The following GMCL2 variants were observed in gnomAD, a reference collection of about 807,000 sequenced individuals.
GMCL2 encodes the protein germ cell-less 2, spermatogenesis associated.
Under a neutral mutation model 36.2 loss-of-function variants are expected in GMCL2, and 33 were observed. That is an observed-to-expected ratio of 0.91 (90% CI 0.69 to 1.22). GMCL2 has a LOEUF of 1.22. GMCL2 is among the 50% of genes most tolerant of loss of function. The pLI, the probability that GMCL2 is intolerant of heterozygous loss-of-function variation, is 0.00. For missense variants in GMCL2, 478 were observed against 514.5 expected, an observed-to-expected ratio of 0.93 and a Z score of 0.69; for synonymous variants, 172 against 184.3, an observed-to-expected ratio of 0.93 and a Z score of 0.54.
chr5:178,185,745 G>T lies in GMCL2; in HGVS notation c.1555C>A (p.Arg519Ser). ...CAGTTTTCTGGATTTTCTGGGTGACGATTATTTTCAATTCCTTTTTCTGGT... is the reference window on the plus strand; with the variant it reads ...CAGTTTTCTGGATTTTCTGGGTGACTATTATTTTCAATTCCTTTTTCTGGT... ...ISPEKGIENNRHPENPEN is the reference protein window; with the variant it reads ...ISPEKGIENNSHPENPEN Residue 519 changes from arginine to serine, a missense_variant, in exon 1 of 1, where the codon CGT becomes AGT. Coordinates refer to ENST00000463439, the MANE Select transcript of GMCL2 (RefSeq NM_001358008.2). 1.2e-6 allele frequency: 1 copy of T among 855,552 alleles called. No homozygotes were observed. Among genetic ancestry groups the T allele is most frequent in the South Asian group, 1.3e-5 (1 of 76,162 alleles). 53.0% of individuals were successfully genotyped at this position (855,552 alleles called of 1,614,324 possible).
At position 178,186,557 on chromosome 5, in the gene GMCL2, A is replaced by G. The variant is rs768190865; in HGVS notation, c.743T>C (p.Leu248Pro). The G allele has an allele frequency of 3.1e-6, 4 of 1,279,020 alleles. 1 individual carries two copies. The African/African-American group carries it at 5.8e-5, about 19-fold the overall frequency. The allele number at this position is 1,279,020 out of a possible 1,614,324, so 79.2% of individuals were successfully genotyped here. ...NNLMTHQNVK[L>P]FKELGINVMK... ...GACATTTATACCGAGTTCTTTAAAA[A>G]GTTTAACATTCTGGTGAGTCATCAA... Residue 248 changes from leucine (L) to proline (P), a missense_variant, in exon 1 of 1, where the codon CTT (leucine) becomes CCT (proline). Leu to Pro is a moderately conservative substitution (Grantham distance 98, BLOSUM62 -3). Transcript: ENST00000463439.
chr5:178,185,588 C>G lies in GMCL2; in HGVS notation c.*131G>C. On this transcript the variant is annotated 3_prime_UTR_variant, in exon 1 of 1. Coordinates refer to ENST00000463439, the MANE Select transcript of GMCL2 (RefSeq NM_001358008.2). ...ATGCAATGAGGATAAGAATAGTCTT[C>G]TGTATTGTCCGTACAGTTCATAAGG... 1 of 471,810 alleles carries G rather than the reference C, an allele frequency of 2.1e-6. No homozygotes were observed. The highest frequency in any genetic ancestry group is 3.9e-6 in the Non-Finnish European group (1 of 257,048). 29.2% of individuals were successfully genotyped at this position (471,810 alleles called of 1,614,324 possible).
In GMCL2 at chr5:178,186,364, A is replaced by G. The variant is rs2113507499; in HGVS notation, c.936T>C (p.Asp312=). The G allele has an allele frequency of 6.4e-7, 1 of 1,572,858 alleles. No homozygotes were observed. Among genetic ancestry groups the G allele is most frequent in the South Asian group, 1.1e-5 (1 of 90,200 alleles). ...TDVWFSKQRK[D]FEGMAFLETE... Reference sequence around the variant, plus strand: ...TTTCAAGAAAGGCCATACCTTCAAAATCTTTTCTCTGTTTAGAAAACCAGA... The same window carrying G: ...TTTCAAGAAAGGCCATACCTTCAAAGTCTTTTCTCTGTTTAGAAAACCAGA... The change falls in exon 1 of 1, where the codon GAT becomes GAC. Residue 312 remains aspartate (D), a synonymous_variant. Coordinates refer to ENST00000463439, the MANE Select transcript of GMCL2 (RefSeq NM_001358008.2).
Position 178,186,177 on chromosome 5 carries a change from C to T in GMCL2, c.1123G>A (p.Glu375Lys). The change falls in exon 1 of 1, where the codon GAA becomes AAA. Residue 375 changes from glutamate (E) to lysine (K), a missense_variant. Physicochemically the swap from Glu to Lys is moderately conservative, Grantham distance 56. Coordinates refer to ENST00000463439, the MANE Select transcript of GMCL2 (RefSeq NM_001358008.2). ...TGAGGCCCTACCTCACGGTCTTGTT[C>T]TGCCCGCAGCATAGCAAACCACTGC... ...KQQWFAMLRA[E>K]QDREVGPQEI... 1 of 828,990 alleles carries T rather than the reference C, an allele frequency of 1.2e-6. No homozygotes were observed. Among genetic ancestry groups the T allele is most frequent in the Non-Finnish European group, 2.2e-6 (1 of 462,692 alleles). 51.4% of individuals were successfully genotyped at this position (828,990 alleles called of 1,614,324 possible).
Position 178,187,291 on chromosome 5 carries a change from C to A in GMCL2, c.9G>T (p.Ser3=), listed in dbSNP as rs1440578050. The part of the protein sequence containing the change: MG[S]SSSRVLGQPR... ...GCTGGCCCAGCACCCGGCTGCTCGA[C>A]GATCCCATGGGTCACGGCTCCCCAG... is the stretch of plus-strand genomic sequence containing the variant. The change falls in exon 1 of 1, where the codon TCG becomes TCT. Residue 3 remains serine (S), a synonymous_variant. Coordinates refer to ENST00000463439, the MANE Select transcript of GMCL2 (RefSeq NM_001358008.2). The A allele has an allele frequency of 1.1e-6, 1 of 895,538 alleles. No individual in the cohort carries two copies. The highest frequency in any genetic ancestry group is 2.2e-5 in the Admixed American group (1 of 45,392). The allele number at this position is 895,538 out of a possible 1,614,324, so 55.5% of individuals were successfully genotyped here.
rs1457480469 is a variant in GMCL2 at position 178,187,241 on chromosome 5, T to A, written c.59A>T (p.Glu20Val). ...CGAGCCCCTGGCCCTGGCACCCTGTTCCTGCTGGGCAAGGGCTCGCCTCGG... is the reference window on the plus strand; with the variant it reads ...CGAGCCCCTGGCCCTGGCACCCTGTACCTGCTGGGCAAGGGCTCGCCTCGG... Reference protein sequence around the residue: ...GQPRRALAQQEQGARARGSAR... With the variant: ...GQPRRALAQQVQGARARGSAR... The change falls in exon 1 of 1, where the codon GAA (glutamate) becomes GTA (valine). Residue 20 changes from glutamate to valine, a missense_variant. Coordinates refer to ENST00000463439, the MANE Select transcript of GMCL2 (RefSeq NM_001358008.2). The A allele has an allele frequency of 9.5e-7, 1 of 1,050,272 alleles. No homozygotes were observed. The highest frequency in any genetic ancestry group is 1.4e-6 in the Non-Finnish European group (1 of 695,378). The allele number at this position is 1,050,272 out of a possible 1,614,324, so 65.1% of individuals were successfully genotyped here.
chr5:178,186,302 T>C lies in GMCL2; in HGVS notation c.998A>G (p.His333Arg), dbSNP rs770633834. ...ACTGATAATATATTGTAACCTTAAA[T>C]GTCTGAATACTGACACAAATGGTTT... ...PGKPFVSVFR[H>R]LRLQYIISDL... The change falls in exon 1 of 1, where the codon CAT (histidine) becomes CGT (arginine). Residue 333 changes from histidine to arginine, a missense_variant. By Grantham distance (29) the His-to-Arg change is conservative. Transcript: ENST00000463439. 164 of 1,252,908 alleles carry C rather than the reference T, an allele frequency of 1.3e-4. No individual in the cohort carries two copies. In the East Asian group the frequency reaches 3.7e-3, roughly 28 times the overall value. 77.6% of individuals were successfully genotyped at this position (1,252,908 alleles called of 1,614,324 possible).
Position 178,186,167 on chromosome 5 carries a change from C to T in GMCL2, c.1133G>A (p.Arg378His), listed in dbSNP as rs13184406. The change falls in exon 1 of 1, where the codon CGT (arginine) becomes CAT (histidine). Residue 378 changes from arginine (R) to histidine (H), a missense_variant. Arg to His is a conservative substitution (Grantham distance 29). This residue lies in a region of GMCL2 where 135 missense variants were observed against 119.0 expected (regional missense o/e 1.13). Transcript: ENST00000463439. ...ATTGATTTCTTGAGGCCCTACCTCA[C>T]GGTCTTGTTCTGCCCGCAGCATAGC... ...WFAMLRAEQD[R>H]EVGPQEINKE... 529,523 of 826,702 alleles carry T rather than the reference C, an allele frequency of 0.64. 176,627 individuals carry two copies. The highest frequency in any genetic ancestry group is 0.71 in the Non-Finnish European group (325,449 of 461,038). 51.2% of individuals were successfully genotyped at this position (826,702 alleles called of 1,614,324 possible).
Position 178,186,134 on chromosome 5 carries a change from T to C in GMCL2, c.1166A>G (p.Asp389Gly). 1 of 816,598 alleles carries C rather than the reference T, an allele frequency of 1.2e-6. No individual in the cohort carries two copies. The highest frequency in any genetic ancestry group is 2.2e-6 in the Non-Finnish European group (1 of 452,144). The allele number at this position is 816,598 out of a possible 1,614,324, so 50.6% of individuals were successfully genotyped here. A position where few individuals can be genotyped will look rare whatever the true frequency, so the allele number is the denominator to read the frequency against. ...ACACCTCATGCTATTTCCCTCTAGG[T>C]CTTCTTTATTGATTTCTTGAGGCCC... ...EVGPQEINKE[D>G]LEGNSMRCGR... The change falls in exon 1 of 1, where the codon GAC (aspartate) becomes GGC (glycine). Residue 389 changes from aspartate (D) to glycine (G), a missense_variant. Coordinates refer to ENST00000463439, the MANE Select transcript of GMCL2 (RefSeq NM_001358008.2).
rs546937385 is a variant in GMCL2 at position 178,185,051 on chromosome 5, A to G, written c.*668T>C. Reference sequence around the variant, plus strand: ...TTTTCACGCATTCAAGATCATTTGAAGGTGTGAAGCTAACTTTCATTGTTC... The same window carrying G: ...TTTTCACGCATTCAAGATCATTTGAGGGTGTGAAGCTAACTTTCATTGTTC... On this transcript the variant is annotated 3_prime_UTR_variant, in exon 1 of 1. Transcript: ENST00000463439. 5.9e-5 allele frequency among the ~76,000 whole-genome samples: 9 copies of G among 152,342 alleles called. No individual in the cohort carries two copies. Among genetic ancestry groups the G allele is most frequent in the Non-Finnish European group, 1.0e-4 (7 of 68,026 alleles).
rs2961665 is a variant in GMCL2 at position 178,187,093 on chromosome 5, C to G, written c.207G>C (p.Glu69Asp). ...GCTTGTCCCCCTCCTCCTCATGCTC[C>G]TCCCTGTGCGAGTCCGGGTCACAGT... ...CRYCDPDSHR[E>D]EHEEEGDKQQ... Residue 69 changes from glutamate (E) to aspartate (D), a missense_variant, in exon 1 of 1, where the codon GAG becomes GAC. Around this residue, in one of 5 missense-constraint regions of GMCL2, gnomAD observed 127 missense variants for 86.4 expected, o/e 1.47. Coordinates refer to ENST00000463439, the MANE Select transcript of GMCL2 (RefSeq NM_001358008.2). The G allele has an allele frequency of 0.3, 314,333 of 1,046,758 alleles. 49,368 individuals carry two copies. The highest frequency in any genetic ancestry group is 0.36 in the African/African-American group (22,977 of 64,696). 64.8% of individuals were successfully genotyped at this position (1,046,758 alleles called of 1,614,324 possible). A position where few individuals can be genotyped will look rare whatever the true frequency, so the allele number is the denominator to read the frequency against.
chr5:178,187,216 C>T lies in GMCL2; in HGVS notation c.84G>A (p.Ser28=), dbSNP rs531220149. The change falls in exon 1 of 1, where the codon TCG becomes TCA. Residue 28 remains serine (S), a synonymous_variant. Transcript: ENST00000463439. ...CGTCTCCAGTGTCCGGCCTCCGGGCCGAGCCCCTGGCCCTGGCACCCTGTT... is the reference window on the plus strand; with the variant it reads ...CGTCTCCAGTGTCCGGCCTCCGGGCTGAGCCCCTGGCCCTGGCACCCTGTT... The part of the protein sequence containing the change: ...QQEQGARARG[S]ARRPDTGDDA... The T allele has an allele frequency of 2.6e-5, 31 of 1,174,096 alleles. No individual in the cohort carries two copies. The East Asian group carries it at 5.6e-4, about 21-fold the overall frequency. The allele number at this position is 1,174,096 out of a possible 1,614,324, so 72.7% of individuals were successfully genotyped here.
At position 178,185,035 on chromosome 5, in the gene GMCL2, A is replaced by C. The variant is rs1163841090; in HGVS notation, c.*684T>G. ...CTGGAATCAAACTGATTTTTCACGC[A>C]TTCAAGATCATTTGAAGGTGTGAAG... is the stretch of plus-strand genomic sequence containing the variant. On this transcript the variant is annotated 3_prime_UTR_variant, in exon 1 of 1. Coordinates refer to ENST00000463439, the MANE Select transcript of GMCL2 (RefSeq NM_001358008.2). 6.6e-6 allele frequency among the ~76,000 whole-genome samples: 1 copy of C among 152,220 alleles called. No individual in the cohort carries two copies.
chr5:178,187,208 C>A lies in GMCL2; in HGVS notation c.92G>T (p.Arg31Met). The change falls in exon 1 of 1, where the codon AGG becomes ATG. Residue 31 changes from arginine (R) to methionine (M), a missense_variant. Transcript: ENST00000463439. ...QGARARGSAR[R>M]PDTGDDAASY... ...CGCCGCATCGTCTCCAGTGTCCGGCCTCCGGGCCGAGCCCCTGGCCCTGGC... is the reference window on the plus strand; with the variant it reads ...CGCCGCATCGTCTCCAGTGTCCGGCATCCGGGCCGAGCCCCTGGCCCTGGC... 8.3e-7 allele frequency: 1 copy of A among 1,197,862 alleles called. No individual in the cohort carries two copies. The allele number at this position is 1,197,862 out of a possible 1,614,324, so 74.2% of individuals were successfully genotyped here.
In GMCL2 at chr5:178,184,675, T is replaced by A. The variant is rs4976745; in HGVS notation, c.*1044A>T. ...AACACAAAAGGTCAACATATATAAA[T>A]CATGACAAGTGTACATCTTATTTTT... is the stretch of plus-strand genomic sequence containing the variant. On this transcript the variant is annotated 3_prime_UTR_variant, in exon 1 of 1. Transcript: ENST00000463439. Among the ~76,000 whole-genome samples the A allele has an allele frequency of 0.39, 59,294 of 151,912 alleles. 13,463 individuals carry two copies. The highest frequency in any genetic ancestry group is 0.51 in the Non-Finnish European group (34,293 of 67,864).
rs1175538767 is a variant in GMCL2, at chr5:178,185,198, G to T, written c.*521C>A. On this transcript the variant is annotated 3_prime_UTR_variant, in exon 1 of 1. Coordinates refer to ENST00000463439, the MANE Select transcript of GMCL2 (RefSeq NM_001358008.2). Reference sequence around the variant, plus strand: ...GTATTTAATGATTAAAAACAAGTATGAACTGGAAAGATATTAGACTAAAAG... The same window carrying T: ...GTATTTAATGATTAAAAACAAGTATTAACTGGAAAGATATTAGACTAAAAG... 6.6e-6 allele frequency among the ~76,000 whole-genome samples: 1 copy of T among 152,164 alleles called. No individual in the cohort carries two copies. The highest frequency in any genetic ancestry group is 1.5e-5 in the Non-Finnish European group (1 of 68,020).
rs943636503 is a variant in GMCL2, at chr5:178,185,799, A to G, written c.1501T>C (p.Tyr501His). 1.2e-5 allele frequency: 12 copies of G among 975,496 alleles called. No individual in the cohort carries two copies. The highest frequency in any genetic ancestry group is 1.7e-5 in the Non-Finnish European group (10 of 602,806). 60.4% of individuals were successfully genotyped at this position (975,496 alleles called of 1,614,324 possible). A position where few individuals can be genotyped will look rare whatever the true frequency, so the allele number is the denominator to read the frequency against. ...ATATACAAGAAGTTACAGCAGATAT[A>G]TAAAGGGAAGGTCAGAAACCTGCTG... ...LDSRFLTFPL[Y>H]ICCNFLYISP... is the part of the protein sequence containing the mutation. The change falls in exon 1 of 1, where the codon TAT becomes CAT. Residue 501 changes from tyrosine to histidine, a missense_variant. By Grantham distance (83) the Tyr-to-His change is moderately conservative. This residue lies in a region of GMCL2 where 135 missense variants were observed against 119.0 expected (regional missense o/e 1.13). Coordinates refer to ENST00000463439, the MANE Select transcript of GMCL2 (RefSeq NM_001358008.2).
At position 178,185,712 on chromosome 5, in the gene GMCL2, G is replaced by T; in HGVS notation, c.*7C>A. 1.3e-6 allele frequency: 1 copy of T among 748,782 alleles called. No individual in the cohort carries two copies. The highest frequency in any genetic ancestry group is 2.5e-6 in the Non-Finnish European group (1 of 405,572). The allele number at this position is 748,782 out of a possible 1,614,324, so 46.4% of individuals were successfully genotyped here. ...CAAAGTGCTACTGTTTCCAACTGAT[G>T]AGATCTTCAGTTTTCTGGATTTTCT... On this transcript the variant is annotated 3_prime_UTR_variant, in exon 1 of 1. Transcript: ENST00000463439.
rs7719717 is a variant in GMCL2, at chr5:178,185,292, T to G, written c.*427A>C. Among the ~76,000 whole-genome samples the G allele has an allele frequency of 0.79, 119,698 of 152,164 alleles. 48,536 individuals are homozygous for G. Among genetic ancestry groups the G allele is most frequent in the East Asian group, 0.98 (5,092 of 5,186 alleles). On this transcript the variant is annotated 3_prime_UTR_variant, in exon 1 of 1. Transcript: ENST00000463439. The stretch of plus-strand genomic sequence containing the variant: ...AAATGCCCCAGCTCAAAAGAGCATT[T>G]CTAATTGGCCATCCAAATTATTCTT...
Sources: allele counts gnomAD v4.1 joint callset (sites outside exome capture counted in the v4.1 genomes callset), GRCh38; gene constraint gnomAD v4.1.1; regional missense constraint gnomAD v4.1.1; transcripts MANE v1.5; gene names NCBI Gene and HGNC (gene_info 2026-07-23, HGNC 2026-07-21).